ATRNL1: variants seen among roughly 807,000 people sequenced by gnomAD.
ATRNL1 encodes attractin-like protein 1.
ATRNL1 carries 95 observed loss-of-function variants against 182.7 expected under a neutral mutation model. The observed-to-expected ratio is 0.52, with a 90% confidence interval of 0.44 to 0.62. ATRNL1 has a LOEUF of 0.62. Ranked by LOEUF, ATRNL1 falls within the 20% of genes least tolerant of loss-of-function variation. The pLI, the probability that ATRNL1 is intolerant of heterozygous loss-of-function variation, is 0.00. For missense variants in ATRNL1, 1,471 were observed against 1,679.5 expected (o/e 0.88, Z 2.17); for synonymous variants, 576 against 568.3 (o/e 1.01, Z -0.19).
At chr10:115,554,347 T>C (rs1554996460) in intron 26 of ATRNL1, among the ~76,000 whole-genome samples, 1 of 151,610 alleles carries the variant, frequency 6.6e-6, no homozygotes, top group Non-Finnish European at 1.5e-5. Flanking sequence ...TATCATACTT[T>C]CAAAATTTTA....
intron 15 of ATRNL1, among the ~76,000 whole-genome samples, chr10:115,286,706 CA>C (rs1363302479): frequency 6.6e-6 from 1 of 151,814 alleles, no homozygotes; most frequent in Non-Finnish European, 1.5e-5. Context: ...GTGGCAGAAA[CA>C]ATTTTTGCTG....
chr10:115,529,984 A>G (rs1231255324), intron 25 of ATRNL1, among the ~76,000 whole-genome samples: 5 of 152,228 alleles, frequency 3.3e-5, no homozygotes, highest in Non-Finnish European at 5.9e-5. Flanking sequence ...GAATCGTACA[A>G]TATGTGTTCT....
rs782406105 is a variant in ATRNL1 at position 115,727,405 on chromosome 10, A to G, written c.3903+50A>G. 10 of 1,349,808 alleles carry G rather than the reference A, an allele frequency of 7.4e-6. No individual in the cohort carries two copies. The East Asian group carries it at 2.3e-4, about 31-fold the overall frequency. The allele number at this position is 1,349,808 out of a possible 1,614,324, so 83.6% of individuals were successfully genotyped here. On this transcript the variant is annotated intron_variant, in intron 27 of 28. Transcript: ENST00000355044. ...GACCACTGTGCTTTGCATATTTATT[A>G]TATTGCTTCTCTAATCTACATCTGC...
At chr10:115,849,802 ATACT>A (rs1317310239) in intron 28 of ATRNL1, among the ~76,000 whole-genome samples, 3 of 152,190 alleles carry the variant, frequency 2.0e-5, no homozygotes, top group Non-Finnish European at 4.4e-5. Context: ...AGAATAAAAA[ATACT>A]TACTGCTAGC....
At chr10:115,745,610 C>T (rs1400211566) in intron 27 of ATRNL1, among the ~76,000 whole-genome samples, 4 of 152,182 alleles carry the variant, frequency 2.6e-5, no homozygotes, top group African/African-American at 9.7e-5. Flanking sequence ...GCTTCACAAC[C>T]TCACCAGAAC....
chr10:115,463,039 A>G (rs1554970087), intron 22 of ATRNL1, among the ~76,000 whole-genome samples: 1 of 151,704 alleles, frequency 6.6e-6, no homozygotes, highest in Non-Finnish European at 1.5e-5. Flanking sequence ...ATATATTATT[A>G]TTATGAATTC....
At chr10:115,230,903 GAGAGAGAGAGAGAGAGAGAA>G (rs1462477566) in intron 9 of ATRNL1, among the ~76,000 whole-genome samples, 10 of 112,626 alleles carry the variant, frequency 8.9e-5, no homozygotes, top group Admixed American at 1.6e-4. Flanking sequence ...GAGAGAGAGA[GAGAGAGAGAGAGAGAGAGAA>G]AGAGAGAAAT....
intron 24 of ATRNL1, among the ~76,000 whole-genome samples, chr10:115,479,389 C>T (rs1848664145): frequency 6.6e-6 from 1 of 151,480 alleles, no homozygotes; most frequent in Non-Finnish European, 1.5e-5. Context: ...CAGAATTAAT[C>T]AGACATTAAT....
At chr10:115,745,846 A>G (rs1422354685) in intron 27 of ATRNL1, among the ~76,000 whole-genome samples, 3 of 152,120 alleles carry the variant, frequency 2.0e-5, no homozygotes, top group African/African-American at 7.2e-5. Flanking sequence ...CCATAGCTAT[A>G]TATGCATAGA....
chr10:115,168,568 T>C (rs1014842229), intron 7 of ATRNL1, among the ~76,000 whole-genome samples: 1 of 152,168 alleles, frequency 6.6e-6, no homozygotes, highest in African/African-American at 2.4e-5. Context: ...TAACTAATGA[T>C]GTTGAGCATC....
chr10:115,374,636 A>G (rs1221800336), intron 19 of ATRNL1, among the ~76,000 whole-genome samples: 2 of 151,262 alleles, frequency 1.3e-5, no homozygotes, highest in African/African-American at 4.9e-5. Context: ...AAATTTTCCT[A>G]TTAGTATTGT....
intron 26 of ATRNL1, among the ~76,000 whole-genome samples, chr10:115,648,073 T>C (rs534616976): frequency 6.6e-6 from 1 of 152,306 alleles, no homozygotes; most frequent in Admixed American, 6.5e-5. Context: ...CATTTCTTGT[T>C]TTTGTCAGGT....
At chr10:115,401,837 A>G (rs997767044) in intron 20 of ATRNL1, among the ~76,000 whole-genome samples, 3 of 152,172 alleles carry the variant, frequency 2.0e-5, no homozygotes, top group Admixed American at 6.6e-5. Context: ...TAATTTTACC[A>G]TGTAGTTTCT....
intron 24 of ATRNL1, among the ~76,000 whole-genome samples, chr10:115,482,499 T>C (rs1848815109): frequency 6.6e-6 from 1 of 151,032 alleles, no homozygotes. Context: ...TTTATAATAC[T>C]GAATCATATG....
intron 19 of ATRNL1, among the ~76,000 whole-genome samples, chr10:115,347,758 A>G (rs1175676025): frequency 2.0e-5 from 3 of 152,034 alleles, no homozygotes; most frequent in Non-Finnish European, 4.4e-5. Context: ...AATTTTATTT[A>G]TAATGTTCAG....
At chr10:115,354,827 T>A (rs1336861860) in intron 19 of ATRNL1, among the ~76,000 whole-genome samples, 6 of 152,124 alleles carry the variant, frequency 3.9e-5, no homozygotes, top group Non-Finnish European at 8.8e-5. Context: ...ACTCTTAGAT[T>A]TTCCCTTTTG....
chr10:115,667,051 T>C (rs530430613), intron 26 of ATRNL1, among the ~76,000 whole-genome samples: 1 of 152,128 alleles, frequency 6.6e-6, no homozygotes, highest in Non-Finnish European at 1.5e-5. Context: ...AATATGTACA[T>C]TTTGGTAGTG....
chr10:115,258,979 TC>T (rs1554907882), intron 10 of ATRNL1, among the ~76,000 whole-genome samples: 10 of 152,144 alleles, frequency 6.6e-5, no homozygotes, highest in African/African-American at 1.2e-4. Flanking sequence ...TGCCTGATCC[TC>T]CCTCTGGAAG....
At chr10:115,673,074 G>C (rs1467783933) in intron 26 of ATRNL1, among the ~76,000 whole-genome samples, 2 of 151,998 alleles carry the variant, frequency 1.3e-5, no homozygotes, top group Non-Finnish European at 2.9e-5. Flanking sequence ...TGTCTCAGAA[G>C]TTCGTGTTGT....
Sources: allele counts gnomAD v4.1 joint callset (sites outside exome capture counted in the v4.1 genomes callset), GRCh38; gene constraint gnomAD v4.1.1; transcripts MANE v1.5; gene names NCBI Gene and HGNC (gene_info 2026-07-23, HGNC 2026-07-21).